The following CLASP1 variants were observed in gnomAD, a reference collection of about 807,000 sequenced individuals.
The protein encoded by CLASP1 is cytoplasmic linker associated protein 1, also known as CLIP-associating protein 1.
A neutral mutation model predicts 192.3 loss-of-function variants in CLASP1; 38 were observed. That is an observed-to-expected ratio of 0.20 (90% CI 0.15 to 0.26). CLASP1 has a LOEUF of 0.26. Ranked by LOEUF, CLASP1 falls within the 10% of genes least tolerant of loss-of-function variation. The pLI is 1.00. For synonymous variants in CLASP1, 691 were observed against 712.8 expected (o/e 0.97, Z 0.49); for missense variants, 1,433 against 1,932.5 (o/e 0.74, Z 4.85).
intron 6 of CLASP1, among the ~76,000 whole-genome samples, chr2:121,523,256 ATCTTAAAC>A (rs1251691756): frequency 6.6e-6 from 1 of 152,252 alleles, no homozygotes; most frequent in Non-Finnish European, 1.5e-5. Context: ...ACTCGACATT[ATCTTAAAC>A]TCTTAAACAA....
intron 30 of CLASP1, among the ~76,000 whole-genome samples, chr2:121,389,509 A>G (rs191931444): frequency 6.6e-6 from 1 of 152,194 alleles, no homozygotes. Context: ...ATGCATGCAG[A>G]AAAATAATGC....
rs557314749 is a variant in CLASP1, at chr2:121,464,005, C to A, written c.866-1400G>T. 2.0e-3 allele frequency among the ~76,000 whole-genome samples: 236 copies of A among 116,056 alleles called. 1 individual carries two copies. The highest frequency in any genetic ancestry group is 7.5e-3 in the African/African-American group (225 of 29,868). The allele number at this position is 116,056 out of a possible 152,430, so 76.1% of individuals were successfully genotyped here. On this transcript the variant is annotated intron_variant, in intron 9 of 39. Coordinates refer to ENST00000263710, the Ensembl canonical transcript of CLASP1. ...AGCTATCCCTCCCCCCTCCCCCCAC[C>A]CCACAACAGTCCCCAGAGTGTGATG...
intron 39 of CLASP1, among the ~76,000 whole-genome samples, chr2:121,345,347 G>C (rs550080243): frequency 6.2e-4 from 94 of 152,284 alleles, no homozygotes; most frequent in Non-Finnish European, 1.0e-3. Flanking sequence ...GCCAAATGGG[G>C]AGGAGAAAAC....
At chr2:121,531,949 G>A (rs920156511) in intron 2 of CLASP1, among the ~76,000 whole-genome samples, 1 of 152,098 alleles carries the variant, frequency 6.6e-6, no homozygotes, top group Non-Finnish European at 1.5e-5. Context: ...TCCTCCGTAT[G>A]AAGCAGTTTT....
chr2:121,356,293 T>G (rs2065368753), intron 37 of CLASP1, among the ~76,000 whole-genome samples: 1 of 152,192 alleles, frequency 6.6e-6, no homozygotes, highest in Admixed American at 6.5e-5. Flanking sequence ...CTTAAAAAAT[T>G]GGATTGACCC....
chr2:121,422,742 G>GGCATCAGTTTAAAAC (rs767907470), intron 22 of CLASP1, among the ~76,000 whole-genome samples: 104 of 151,898 alleles, frequency 6.8e-4, no homozygotes, highest in Non-Finnish European at 1.2e-3. Context: ...TAAAACAAAT[G>GGCATCAGTTTAAAAC]AAAAAAGAAA....
At chr2:121,373,511 G>A (rs903057267) in intron 34 of CLASP1, among the ~76,000 whole-genome samples, 3 of 152,218 alleles carry the variant, frequency 2.0e-5, no homozygotes, top group Non-Finnish European at 4.4e-5. Flanking sequence ...ACAGAGGCTG[G>A]AACAATTTGG....
chr2:121,433,341 GA>G (rs906835193), intron 19 of CLASP1, among the ~76,000 whole-genome samples: 170 of 146,388 alleles, frequency 1.2e-3, no homozygotes, highest in African/African-American at 4.1e-3. Context: ...AAAAAAAAAA[GA>G]AAATTCATTT....
At chr2:121,435,847 C>T (rs11685153) in intron 19 of CLASP1, among the ~76,000 whole-genome samples, 19,555 of 152,064 alleles carry the variant, frequency 0.13, 1,524 homozygotes, top group Middle Eastern at 0.27. Context: ...CAGTTTCTCT[C>T]AATGGTAACA....
intron 2 of CLASP1, among the ~76,000 whole-genome samples, chr2:121,593,626 CAAAA>C (rs61315745): frequency 2.0e-5 from 1 of 50,730 alleles, no homozygotes; most frequent in Non-Finnish European, 4.2e-5. Context: ...AACTCCGTCT[CAAAA>C]AAAAAAAAAA....
chr2:121,593,391 G>A (rs56165047), intron 2 of CLASP1, among the ~76,000 whole-genome samples: 29,097 of 151,944 alleles, frequency 0.19, 5,022 homozygotes, highest in African/African-American at 0.46. Flanking sequence ...AGGCCCAGGC[G>A]GGTGGATCAC....
chr2:121,644,509 C>G (rs1484409448), intron 1 of CLASP1, among the ~76,000 whole-genome samples: 6 of 152,068 alleles, frequency 3.9e-5, no homozygotes, highest in Non-Finnish European at 8.8e-5. Context: ...CAAAAATTAG[C>G]CAGGCATGTG....
chr2:121,432,186 G>T (rs920336668), intron 19 of CLASP1, among the ~76,000 whole-genome samples: 4 of 152,028 alleles, frequency 2.6e-5, no homozygotes, highest in Admixed American at 2.6e-4. Context: ...GTGTGACCTC[G>T]GCTTACTGCA....
intron 8 of CLASP1, among the ~76,000 whole-genome samples, chr2:121,478,418 T>C (rs1005190090): frequency 6.6e-6 from 1 of 151,982 alleles, no homozygotes; most frequent in South Asian, 2.1e-4. Context: ...CTGACCAACA[T>C]GGTGAAACCT....
chr2:121,573,855 A>G (rs2060206115), intron 2 of CLASP1, among the ~76,000 whole-genome samples: 1 of 152,218 alleles, frequency 6.6e-6, no homozygotes, highest in Admixed American at 6.5e-5. Context: ...AAAACAAAAC[A>G]AAAGCTAATG....
intron 8 of CLASP1, 52 bp from the exon 9 acceptor site, chr2:121,470,012 TAC>T: frequency 1.6e-5 from 21 of 1,308,732 alleles, no homozygotes; most frequent in Non-Finnish European, 2.0e-5. Flanking sequence ...AAACTATATA[TAC>T]ATATATATAT....
chr2:121,378,830 CA>C (rs1204162491), intron 33 of CLASP1, among the ~76,000 whole-genome samples: 3 of 152,054 alleles, frequency 2.0e-5, no homozygotes, highest in African/African-American at 7.2e-5. Flanking sequence ...TCCTGTTCTT[CA>C]AAAGAGTAGT....
intron 13 of CLASP1, 115 bp from the exon 14 acceptor site, chr2:121,457,872 A>G: frequency 1.5e-6 from 1 of 662,202 alleles, no homozygotes; most frequent in Non-Finnish European, 2.6e-6. Context: ...TCAGATTAGA[A>G]TGTCAGTGAG....
chr2:121,416,759 T>A (rs2078653947), intron 23 of CLASP1, among the ~76,000 whole-genome samples: 1 of 152,146 alleles, frequency 6.6e-6, no homozygotes, highest in Non-Finnish European at 1.5e-5. Flanking sequence ...AGGCTTGAAG[T>A]CAAACCTGAA....
Sources: allele counts gnomAD v4.1 joint callset (sites outside exome capture counted in the v4.1 genomes callset), GRCh38; gene constraint gnomAD v4.1.1; transcripts MANE v1.5; gene names NCBI Gene and HGNC (gene_info 2026-07-23, HGNC 2026-07-21).